SUPT3H: variants seen among roughly 807,000 people sequenced by gnomAD.
The protein encoded by SUPT3H is SPT3 homolog, SAGA and STAGA complex component.
A neutral mutation model predicts 44.3 loss-of-function variants in SUPT3H; 44 were observed. The observed-to-expected ratio is 0.99, with a 90% CI of 0.78 to 1.28. SUPT3H has a LOEUF of 1.28. Among genes scored for constraint, SUPT3H ranks in the 50% most tolerant of loss-of-function variants. SUPT3H has a pLI of 0.00. For synonymous variants in SUPT3H, 124 were observed against 125.6 expected, an observed-to-expected ratio of 0.99 and a Z score of 0.09; for missense variants, 380 against 387.1, an observed-to-expected ratio of 0.98 and a Z score of 0.15.
At chr6:45,033,198 C>A (rs548602035) in intron 3 of SUPT3H, among the ~76,000 whole-genome samples, 1 of 152,062 alleles carries the variant, frequency 6.6e-6, no homozygotes, top group Non-Finnish European at 1.5e-5. Context: ...CATATATTAA[C>A]CTTTTATTTC....
downstream of SUPT3H, among the ~76,000 whole-genome samples, chr6:44,824,836 C>CTATT (rs954596018): frequency 2.6e-5 from 4 of 152,094 alleles, no homozygotes; most frequent in Non-Finnish European, 5.9e-5. Flanking sequence ...TTCCACTTTC[C>CTATT]TATTTATTTC....
chr6:44,842,393 TATTC>T (rs1252902652), intron 10 of SUPT3H, among the ~76,000 whole-genome samples: 1 of 152,136 alleles, frequency 6.6e-6, no homozygotes, highest in Non-Finnish European at 1.5e-5. Context: ...ATATAAATAT[TATTC>T]ATTAATAAAT....
At chr6:44,957,609 A>G (rs1775404303) in intron 7 of SUPT3H, among the ~76,000 whole-genome samples, 1 of 152,082 alleles carries the variant, frequency 6.6e-6, no homozygotes, top group South Asian at 2.1e-4. Flanking sequence ...AAGGATCATT[A>G]TTAATATTCA....
At chr6:45,152,683 G>A (rs1172900745) in intron 2 of SUPT3H, among the ~76,000 whole-genome samples, 1 of 152,000 alleles carries the variant, frequency 6.6e-6, no homozygotes, top group Non-Finnish European at 1.5e-5. Context: ...GGAGAGACGG[G>A]TTTTCACCAT....
At chr6:45,320,759 G>A (rs1216597205) in intron 2 of SUPT3H, among the ~76,000 whole-genome samples, 1 of 152,008 alleles carries the variant, frequency 6.6e-6, no homozygotes, top group Non-Finnish European at 1.5e-5. Context: ...TTCCTGGTAG[G>A]GCATCAACTA....
intron 5 of SUPT3H, 42 bp from the exon 6 acceptor site, chr6:45,003,834 T>C (rs757007254): frequency 2.5e-5 from 40 of 1,607,668 alleles, no homozygotes; most frequent in Non-Finnish European, 3.2e-5. Context: ...ATGTTCTCAA[T>C]AGGTTTACAT....
intron 2 of SUPT3H, chr6:45,328,368 G>A (rs1196697476): frequency 1.4e-6 from 2 of 1,387,088 alleles, no homozygotes; most frequent in Admixed American, 1.9e-5. Context: ...CAAGTGCGGT[G>A]CAAACTTTCT....
intron 6 of SUPT3H, among the ~76,000 whole-genome samples, chr6:44,997,468 G>T (rs566350637): frequency 2.5e-4 from 38 of 151,354 alleles, no homozygotes; most frequent in Non-Finnish European, 5.3e-4. Flanking sequence ...GAATATTACT[G>T]AATTTATTAT....
At chr6:44,924,544 G>A (rs1769234189) in intron 10 of SUPT3H, among the ~76,000 whole-genome samples, 1 of 152,056 alleles carries the variant, frequency 6.6e-6, no homozygotes, top group African/African-American at 2.4e-5. Flanking sequence ...AACCAATAAA[G>A]AAAAAGTTTA....
chr6:45,158,273 T>TAC (rs1206573365), intron 2 of SUPT3H, among the ~76,000 whole-genome samples: 4 of 57,336 alleles, frequency 7.0e-5, no homozygotes, highest in African/African-American at 3.1e-4. Context: ...TATATAAATA[T>TAC]ACATATATAT....
chr6:45,070,149 GAT>G (rs1457142006), intron 3 of SUPT3H, among the ~76,000 whole-genome samples: 2 of 152,034 alleles, frequency 1.3e-5, no homozygotes, highest in South Asian at 4.1e-4. Flanking sequence ...TGAATCCAAT[GAT>G]ATATCATTGG....
At chr6:44,905,198 CA>C (rs1765796157) in intron 10 of SUPT3H, among the ~76,000 whole-genome samples, 2 of 152,044 alleles carry the variant, frequency 1.3e-5, no homozygotes, top group African/African-American at 2.4e-5. Context: ...AGAGCTTCTG[CA>C]CAGCAAAAGA....
chr6:45,315,360 G>A (rs1433320331), intron 2 of SUPT3H, among the ~76,000 whole-genome samples: 1 of 152,130 alleles, frequency 6.6e-6, no homozygotes, highest in African/African-American at 2.4e-5. Context: ...CAGAGTTGGA[G>A]AAAATCTTCA....
At chr6:45,138,605 CTGTG>C (rs140485778) in intron 2 of SUPT3H, among the ~76,000 whole-genome samples, 1 of 151,430 alleles carries the variant, frequency 6.6e-6, no homozygotes, top group African/African-American at 2.4e-5. Flanking sequence ...GGAAAATACT[CTGTG>C]TGTGTGTGTG....
At chr6:44,906,979 C>T (rs1457649706) in intron 10 of SUPT3H, among the ~76,000 whole-genome samples, 1 of 152,176 alleles carries the variant, frequency 6.6e-6, no homozygotes, top group Non-Finnish European at 1.5e-5. Context: ...TGTAGACGGA[C>T]ACAACCTTCA....
intron 11 of SUPT3H, among the ~76,000 whole-genome samples, chr6:44,812,529 C>T (rs766421061): frequency 9.2e-5 from 14 of 152,190 alleles, no homozygotes; most frequent in Non-Finnish European, 1.8e-4. Flanking sequence ...CTTTGATTAG[C>T]AACCTTCATG....
intron 3 of SUPT3H, 88 bp from the exon 4 acceptor site, chr6:45,020,720 T>C: frequency 1.2e-6 from 1 of 863,236 alleles, no homozygotes. Context: ...ATAAATATAC[T>C]AAGAGTTAAA....
rs555509222 is a variant in SUPT3H, at chr6:44,926,618, G to A, written c.912+6035C>T. On this transcript the variant is annotated intron_variant, in intron 10 of 10. Coordinates refer to ENST00000371459, the MANE Select transcript of SUPT3H (RefSeq NM_003599.4). The stretch of plus-strand genomic sequence containing the variant: ...TATATAAAAATGTTCAATATCATTA[G>A]TTATCAAATACAAATTAAAACAAAA... Among the ~76,000 whole-genome samples the A allele has an allele frequency of 6.6e-4, 101 of 152,162 alleles. 1 individual carries two copies. The highest frequency in any genetic ancestry group is 5.4e-3 in the South Asian group (26 of 4,816).
At chr6:44,890,005 ACAATGCT>A (rs1198607617) in intron 10 of SUPT3H, among the ~76,000 whole-genome samples, 2 of 151,156 alleles carry the variant, frequency 1.3e-5, no homozygotes, top group African/African-American at 4.8e-5. Context: ...AACACATGAA[ACAATGCT>A]CACCATCACT....
Sources: allele counts gnomAD v4.1 joint callset (sites outside exome capture counted in the v4.1 genomes callset), GRCh38; gene constraint gnomAD v4.1.1; transcripts MANE v1.5; gene names NCBI Gene and HGNC (gene_info 2026-07-23, HGNC 2026-07-21).